The following CSMD1 variants were observed in gnomAD, a reference collection of about 807,000 sequenced individuals.
The protein encoded by CSMD1 is CUB and Sushi multiple domains 1, also known as CUB and sushi domain-containing protein 1.
In CSMD1, 213 loss-of-function variants were observed where a neutral mutation model predicts 417.5. That is an observed-to-expected ratio of 0.51 (90% CI 0.46 to 0.57). The LOEUF is 0.57. Ranked by LOEUF, CSMD1 falls within the 20% of genes least tolerant of loss-of-function variation. The pLI is 0.00. For missense variants in CSMD1, 6,923 were observed against 4,529.7 expected (o/e 1.53, Z -15.17); for synonymous variants, 2,862 against 1,736.8 (o/e 1.65, Z -16.11).
chr8:3,394,045 TATATATATATAG>T (rs1563342440), intron 17 of CSMD1, among the ~76,000 whole-genome samples: 5 of 117,456 alleles, frequency 4.3e-5, no homozygotes, highest in Admixed American at 8.6e-5. Context: ...TATATATATA[TATATATATATAG>T]AAAAAAAGAA....
At chr8:3,602,554 G>A (rs540675414) in intron 8 of CSMD1, among the ~76,000 whole-genome samples, 2 of 152,178 alleles carry the variant, frequency 1.3e-5, no homozygotes, top group East Asian at 1.9e-4. Flanking sequence ...TAGCCTCAAA[G>A]GTTGTTGACA....
At chr8:4,089,012 G>C (rs1175468887) in intron 3 of CSMD1, among the ~76,000 whole-genome samples, 2 of 152,182 alleles carry the variant, frequency 1.3e-5, no homozygotes, top group African/African-American at 4.8e-5. Context: ...CCCTTGCTGA[G>C]GGTCTCAAAA....
intron 12 of CSMD1, among the ~76,000 whole-genome samples, chr8:3,439,309 A>ATATATATATATATATATATATATT: frequency 1.8e-4 from 11 of 62,436 alleles, no homozygotes; most frequent in African/African-American, 5.3e-4. Context: ...ATATATATAT[A>ATATATATATATATATATATATATT]TTTTTTTTTT....
At chr8:4,044,320 C>A (rs1026264184) in intron 3 of CSMD1, among the ~76,000 whole-genome samples, 6 of 152,114 alleles carry the variant, frequency 3.9e-5, no homozygotes, top group African/African-American at 1.4e-4. Flanking sequence ...ATTGATGCAA[C>A]ACTTAAAAAT....
chr8:3,227,705 A>G (rs949457570), intron 27 of CSMD1, among the ~76,000 whole-genome samples: 4 of 152,148 alleles, frequency 2.6e-5, no homozygotes, highest in African/African-American at 7.2e-5. Flanking sequence ...CACACCATGT[A>G]CTGGTAAGTA....
intron 1 of CSMD1, among the ~76,000 whole-genome samples, chr8:4,885,406 G>C (rs1000893833): frequency 2.8e-4 from 43 of 152,002 alleles, no homozygotes; most frequent in Admixed American, 2.4e-3. Flanking sequence ...TCGATGTCTT[G>C]TTCCTGATCT....
At position 3,513,791 on chromosome 8, in the gene CSMD1, A is replaced by T. The variant is rs140488797; in HGVS notation, c.1345-20065T>A. Among the ~76,000 whole-genome samples, 1,141 of 152,366 alleles carry T rather than the reference A, an allele frequency of 7.5e-3. 20 individuals are homozygous for T. Among genetic ancestry groups the T allele is most frequent in the African/African-American group, 0.026 (1,087 of 41,596 alleles). The stretch of plus-strand genomic sequence containing the variant: ...TTCACCAAACACATGAGAGATAGAC[A>T]GCATTTTAATTACGTAATAGAGTAC... On this transcript the variant is annotated intron_variant, in intron 10 of 69. Transcript: ENST00000635120.
In CSMD1 at chr8:3,358,680, G is replaced by T. The variant is rs576491049; in HGVS notation, c.3304+472C>A. Among the ~76,000 whole-genome samples the T allele has an allele frequency of 3.7e-4, 56 of 152,258 alleles. 1 individual carries two copies. The highest frequency in any genetic ancestry group is 1.3e-3 in the African/African-American group (54 of 41,538). On this transcript the variant is annotated intron_variant, in intron 21 of 69. Coordinates refer to ENST00000635120, the MANE Select transcript of CSMD1 (RefSeq NM_033225.6). ...TTCAGATGCCTCTTGTGCCCACTTA[G>T]CAGGAGTGTGCAACCATCATCCCAT...
At chr8:3,539,739 G>T (rs1344628812) in intron 10 of CSMD1, among the ~76,000 whole-genome samples, 1 of 135,786 alleles carries the variant, frequency 7.4e-6, no homozygotes, top group Non-Finnish European at 1.6e-5. Flanking sequence ...TTGAAAACAA[G>T]AATCTCTAGC....
chr8:4,724,012 G>A (rs1416729070), intron 1 of CSMD1, among the ~76,000 whole-genome samples: 2 of 152,036 alleles, frequency 1.3e-5, no homozygotes, highest in Non-Finnish European at 2.9e-5. Context: ...ATGATGCTCT[G>A]TCATGACCAT....
At chr8:4,359,551 C>A (rs1310786009) in intron 3 of CSMD1, among the ~76,000 whole-genome samples, 1 of 152,202 alleles carries the variant, frequency 6.6e-6, no homozygotes, top group African/African-American at 2.4e-5. Flanking sequence ...TCCTCTTGCG[C>A]AGAAGAGCCC....
At chr8:4,077,460 C>A (rs2247851) in intron 3 of CSMD1, among the ~76,000 whole-genome samples, 15 of 151,546 alleles carry the variant, frequency 9.9e-5, no homozygotes, top group African/African-American at 2.4e-4. Flanking sequence ...CATATCATTA[C>A]TCTTAAATGT....
chr8:3,325,152 G>T (rs144962870), intron 23 of CSMD1, among the ~76,000 whole-genome samples: 1 of 152,108 alleles, frequency 6.6e-6, no homozygotes. Context: ...ATCAGCAACA[G>T]CATGACCTGT....
intron 4 of CSMD1, among the ~76,000 whole-genome samples, chr8:4,020,421 T>G (rs2980796): frequency 0.33 from 49,930 of 152,110 alleles, 9,401 homozygotes; most frequent in Non-Finnish European, 0.42. Flanking sequence ...TCAAAATATT[T>G]ACTTTTTCTA....
At chr8:4,697,021 A>T (rs1584957760) in intron 1 of CSMD1, among the ~76,000 whole-genome samples, 1 of 152,022 alleles carries the variant, frequency 6.6e-6, no homozygotes, top group Non-Finnish European at 1.5e-5. Context: ...AAAATACAAA[A>T]ATTATCTGGG....
intron 1 of CSMD1, among the ~76,000 whole-genome samples, chr8:4,673,070 C>A (rs1805431461): frequency 1.3e-5 from 2 of 151,682 alleles, no homozygotes; most frequent in South Asian, 4.2e-4. Flanking sequence ...ACATGGCACA[C>A]ACACACAAGG....
At chr8:4,846,725 T>C (rs1801168795) in intron 1 of CSMD1, among the ~76,000 whole-genome samples, 1 of 152,222 alleles carries the variant, frequency 6.6e-6, no homozygotes, top group African/African-American at 2.4e-5. Flanking sequence ...AAAATCTTGT[T>C]CTGATTCTTA....
chr8:4,850,151 G>A (rs1223735781), intron 1 of CSMD1, among the ~76,000 whole-genome samples: 1 of 152,092 alleles, frequency 6.6e-6, no homozygotes, highest in Admixed American at 6.5e-5. Context: ...ATCTCTTTAT[G>A]TGAATATTGG....
intron 2 of CSMD1, among the ~76,000 whole-genome samples, chr8:4,469,473 TCAGATCAAAA>T (rs766884088): frequency 3.2e-4 from 48 of 152,288 alleles, no homozygotes; most frequent in Admixed American, 7.8e-4. Flanking sequence ...GAGAACCAAT[TCAGATCAAAA>T]CAGGTGAGTA....
Sources: gnomAD v4.1 joint callset for allele counts (sites outside exome capture counted in the v4.1 genomes callset) on GRCh38, gnomAD v4.1.1 for gene constraint, MANE v1.5 for transcripts, NCBI Gene and HGNC (gene_info 2026-07-23, HGNC 2026-07-21) for gene names.